The following ZSCAN18 variants were observed in gnomAD, a reference collection of about 807,000 sequenced individuals.
The protein encoded by ZSCAN18 is zinc finger and SCAN domain-containing protein 18.
In ZSCAN18, 16 loss-of-function variants were observed where a neutral mutation model predicts 31.1. The ratio of observed to expected loss-of-function variants is 0.51; its 90% CI spans 0.35 to 0.78. The LOEUF (loss-of-function observed/expected upper bound fraction) is 0.78. Ranked by LOEUF, ZSCAN18 falls within the 30% of genes least tolerant of loss-of-function variation. ZSCAN18 has a pLI of 0.01. For missense variants in ZSCAN18, 731 were observed against 697.4 expected (o/e 1.05, Z -0.54); for synonymous variants, 375 against 320.7 (o/e 1.17, Z -1.81).
intron 1 of ZSCAN18, among the ~76,000 whole-genome samples, chr19:58,103,700 T>C (rs763776160): frequency 2.0e-5 from 3 of 152,188 alleles, no homozygotes; most frequent in Non-Finnish European, 4.4e-5. Flanking sequence ...GGCCAGTTAA[T>C]AACCCTACAA....
At chr19:58,101,519 CTTTTTT>C (rs59435037), upstream of ZSCAN18, among the ~76,000 whole-genome samples, 9 of 55,452 alleles carry the variant, frequency 1.6e-4, no homozygotes, top group Non-Finnish European at 2.3e-4. Flanking sequence ...TTATCTTCTT[CTTTTTT>C]TTTTTTTTTT....
chr19:58,118,262 C>A, intron 1 of ZSCAN18: 1 of 1,417,604 alleles, frequency 7.1e-7, no homozygotes, highest in South Asian at 1.4e-5. Context: ...AGTCCTTGAC[C>A]CCACCCTCAC....
rs1457934267 is a variant in ZSCAN18 at position 58,086,192 on chromosome 19, G to C, written c.820C>G (p.Gln274Glu). 2 of 1,613,952 alleles carry C rather than the reference G, an allele frequency of 1.2e-6. No homozygotes were observed. The highest frequency in any genetic ancestry group is 1.7e-6 in the Non-Finnish European group (2 of 1,179,954). ...EELRLVERDP[Q>E]GSSLPEGGRR... The stretch of plus-strand genomic sequence containing the variant: ...ACCTCACCTGGGAGGCTGCTTCCTT[G>C]TGGATCTCTTTCCACCAACCGGAGT... The change falls in exon 6 of 7, where the codon CAA becomes GAA. Residue 274 changes from glutamine (Q) to glutamate (E), a missense_variant. Physicochemically the swap from Gln to Glu is conservative, Grantham distance 29. Transcript: ENST00000601144.
upstream of ZSCAN18, among the ~76,000 whole-genome samples, chr19:58,101,176 A>G (rs1374966554): frequency 7.1e-6 from 1 of 140,830 alleles, no homozygotes; most frequent in Non-Finnish European, 1.5e-5. Context: ...TCAGTTGCCC[A>G]GGCTGGAGCG....
chr19:58,091,458 T>C (rs906334087), intron 1 of ZSCAN18, among the ~76,000 whole-genome samples: 5 of 140,954 alleles, frequency 3.5e-5, no homozygotes, highest in Non-Finnish European at 6.1e-5. Flanking sequence ...TTTCTGGAAA[T>C]GGTGCAGGAT....
At chr19:58,108,272 CAT>C in intron 1 of ZSCAN18, 2 of 985,448 alleles carry the variant, frequency 2.0e-6, no homozygotes, top group Non-Finnish European at 2.4e-6. Context: ...GCTCCCCTCA[CAT>C]GTGAATTCTC....
rs374268758 is a variant in ZSCAN18, at chr19:58,088,602, C to T, written c.553+86G>A. 2.8e-4 allele frequency: 399 copies of T among 1,440,460 alleles called. 4 individuals carry two copies. In the East Asian group the frequency reaches 4.3e-3, roughly 16 times the overall value. 89.2% of individuals were successfully genotyped at this position (1,440,460 alleles called of 1,614,324 possible). A position where few individuals can be genotyped will look rare whatever the true frequency, so the allele number is the denominator to read the frequency against. ...CATGGAGCCCCTGACTCCCTGGCTG[C>T]CCTTCTGCCCTCTCCCAACCACAGG... On this transcript the variant is annotated intron_variant, in intron 3 of 6. Coordinates refer to ENST00000601144, the MANE Select transcript of ZSCAN18 (RefSeq NM_001145543.2).
At position 58,117,574 on chromosome 19, in the gene ZSCAN18, G is replaced by A. The variant is rs78536021; in HGVS notation, c.130+693C>T. 1.7e-4 allele frequency among the ~76,000 whole-genome samples: 26 copies of A among 152,186 alleles called. No individual in the cohort carries two copies. The East Asian group carries it at 5.0e-3, about 29-fold the overall frequency. On this transcript the variant is annotated intron_variant, in intron 1 of 1. Coordinates refer to the ZSCAN18 transcript ENST00000595721. ...GATGAAAAGTGGGGAAAGCGTCCTT[G>A]GGAGTAAGACACGGGAAGCAGAATA...
At chr19:58,097,736 A>T in intron 1 of ZSCAN18, among the ~76,000 whole-genome samples, 1 of 51,370 alleles carries the variant, frequency 1.9e-5, no homozygotes, top group African/African-American at 8.2e-5. Flanking sequence ...TTCCCCACTC[A>T]GGAGCCTCCC....
chr19:58,099,989 C>G (rs1448810726), upstream of ZSCAN18, among the ~76,000 whole-genome samples: 2 of 132,734 alleles, frequency 1.5e-5, no homozygotes, highest in African/African-American at 5.4e-5. Context: ...GAGACAAGGT[C>G]TCACTCTGTC....
At chr19:58,097,869 G>A (rs1013093045) in intron 1 of ZSCAN18, 21 of 949,648 alleles carry the variant, frequency 2.2e-5, no homozygotes, top group Non-Finnish European at 2.5e-5. Context: ...CACCCACAGG[G>A]TGCCCTAAGC....
rs1223187033 is a variant in ZSCAN18 at position 58,088,624 on chromosome 19, C to G, written c.553+64G>C. 4 of 1,557,732 alleles carry G rather than the reference C, an allele frequency of 2.6e-6. No homozygotes were observed. The African/African-American group carries it at 5.4e-5, about 21-fold the overall frequency. ...CTGCCCTTCTGCCCTCTCCCAACCACAGGCCTCTGCCCAACACCCCACCTA... is the reference window on the plus strand; with the variant it reads ...CTGCCCTTCTGCCCTCTCCCAACCAGAGGCCTCTGCCCAACACCCCACCTA... On this transcript the variant is annotated intron_variant, in intron 3 of 6. Coordinates refer to ENST00000601144, the MANE Select transcript of ZSCAN18 (RefSeq NM_001145543.2).
chr19:58,101,502 A>C (rs1600000944), upstream of ZSCAN18, among the ~76,000 whole-genome samples: 1 of 119,858 alleles, frequency 8.3e-6, no homozygotes. Context: ...GTGCTTTCCC[A>C]TATACTTTAT....
chr19:58,097,299 C>A (rs1285353622), intron 1 of ZSCAN18, among the ~76,000 whole-genome samples: 1 of 151,572 alleles, frequency 6.6e-6, no homozygotes, highest in African/African-American at 2.4e-5. Flanking sequence ...ATAGTCTGGA[C>A]GGGGGTAGAG....
chr19:58,085,386 C>T lies in ZSCAN18; in HGVS notation c.839-7G>A, dbSNP rs1568627681. ...TCCTGCCGCCTCCCGCCTTCTGGAA[C>T]AAGGTCAGAGCCCTAGCGTGAGCGC... On this transcript the variant is annotated splice_polypyrimidine_tract_variant and splice_region_variant and intron_variant, in intron 6 of 6. Coordinates refer to ENST00000601144, the MANE Select transcript of ZSCAN18 (RefSeq NM_001145543.2). 1 of 1,585,402 alleles carries T rather than the reference C, an allele frequency of 6.3e-7. No individual in the cohort carries two copies. Among genetic ancestry groups the T allele is most frequent in the Admixed American group, 1.7e-5 (1 of 58,596 alleles).
In ZSCAN18 at chr19:58,087,349, C is replaced by G. The variant is rs138468084; in HGVS notation, c.609G>C (p.Lys203Asn). Residue 203 changes from lysine to asparagine, a missense_variant, in exon 4 of 7, where the codon AAG (lysine) becomes AAC (asparagine). Physicochemically the swap from Lys to Asn is moderately conservative, Grantham distance 94. Transcript: ENST00000601144. ...TGTTGGCAGGGCCGTCCTCTTCGGT[C>G]TTTGCTTCTCTGACCCTCCTCTGTT... ...FLEQRRVREA[K>N]TEEDGPANTE... 4.9e-4 allele frequency: 792 copies of G among 1,607,484 alleles called. No homozygotes were observed. The highest frequency in any genetic ancestry group is 6.5e-4 in the Non-Finnish European group (760 of 1,177,056).
chr19:58,106,516 A>C lies in ZSCAN18; in HGVS notation c.130+11751T>G, dbSNP rs534627783. 8.0e-5 allele frequency among the ~76,000 whole-genome samples: 4 copies of C among 50,140 alleles called. 1 individual carries two copies. The highest frequency in any genetic ancestry group is 6.7e-4 in the East Asian group (2 of 2,998). The allele number at this position is 50,140 out of a possible 152,430, so 32.9% of individuals were successfully genotyped here. A position where few individuals can be genotyped will look rare whatever the true frequency, so the allele number is the denominator to read the frequency against. On this transcript the variant is annotated intron_variant, in intron 1 of 1. Coordinates refer to the ZSCAN18 transcript ENST00000595721. The stretch of plus-strand genomic sequence containing the variant: ...AGGAGATCGAGACCATCCCGGCTAA[A>C]ACGGTGAAACCCCGTCTCTACTAAA...
At chr19:58,093,716 C>T (rs958918458) in intron 1 of ZSCAN18, among the ~76,000 whole-genome samples, 11 of 152,176 alleles carry the variant, frequency 7.2e-5, no homozygotes, top group African/African-American at 2.2e-4. Flanking sequence ...TTTCACTCCA[C>T]GCTGTCTTTT....
Position 58,085,396 on chromosome 19 carries a change from G to C in ZSCAN18, c.839-17C>G. 6.4e-6 allele frequency: 10 copies of C among 1,564,976 alleles called. No homozygotes were observed. Among genetic ancestry groups the C allele is most frequent in the Non-Finnish European group, 7.7e-6 (9 of 1,164,604 alleles). Reference sequence around the variant, plus strand: ...TCCCGCCTTCTGGAACAAGGTCAGAGCCCTAGCGTGAGCGCCCCGCCCAGG... The same window carrying C: ...TCCCGCCTTCTGGAACAAGGTCAGACCCCTAGCGTGAGCGCCCCGCCCAGG... On this transcript the variant is annotated splice_polypyrimidine_tract_variant and intron_variant, in intron 6 of 6. Transcript: ENST00000601144.
Sources: allele counts gnomAD v4.1 joint callset (sites outside exome capture counted in the v4.1 genomes callset), GRCh38; gene constraint gnomAD v4.1.1; transcripts MANE v1.5; gene names NCBI Gene and HGNC (gene_info 2026-07-23, HGNC 2026-07-21).